MAP7D1: variants seen among roughly 807,000 people sequenced by gnomAD.
The protein encoded by MAP7D1 is MAP7 domain containing 1.
In MAP7D1, 30 loss-of-function variants were observed where a neutral mutation model predicts 97.5. That is an observed-to-expected ratio of 0.31 (90% CI 0.23 to 0.42). The LOEUF (loss-of-function observed/expected upper bound fraction) is 0.42, where lower values mean the gene tolerates loss of function less well. Ranked by LOEUF, MAP7D1 falls within the 10% of genes least tolerant of loss-of-function variation. MAP7D1 has a pLI of 1.00. For synonymous variants in MAP7D1, 536 were observed against 477.1 expected (o/e 1.12, Z -1.61); for missense variants, 1,184 against 1,179.5 (o/e 1.00, Z -0.06).
chr1:36,175,887 G>A (rs970943271), intron 6 of MAP7D1, among the ~76,000 whole-genome samples: 3 of 152,214 alleles, frequency 2.0e-5, no homozygotes, highest in African/African-American at 7.2e-5. Flanking sequence ...AGGGCAATTG[G>A]GTTTTCTTCC....
intron 1 of MAP7D1, among the ~76,000 whole-genome samples, chr1:36,161,114 G>A (rs1389301779): frequency 1.3e-5 from 2 of 152,240 alleles, no homozygotes; most frequent in African/African-American, 4.8e-5. Context: ...GGGCCAGAGA[G>A]CTCCTTCAGA....
Position 36,172,468 on chromosome 1 carries a change from C to T in MAP7D1, c.465C>T (p.Ala155=), listed in dbSNP as rs1262110180. The change falls in exon 4 of 17, where the codon GCC becomes GCT. Residue 155 remains alanine (A), a synonymous_variant. Transcript: ENST00000474796. The part of the protein sequence containing the change: ...RREERAKYLA[A]KKAVWLEKEE... ...ACTGGGCTCCTTTGTCCACAGCGGC[C>T]AAGAAGGCAGTGTGGCTGGAGAAGG... The T allele has an allele frequency of 6.4e-7, 1 of 1,574,790 alleles. No homozygotes were observed. The highest frequency in any genetic ancestry group is 8.7e-7 in the Non-Finnish European group (1 of 1,151,850).
At chr1:36,173,501 G>A (rs1259757907) in intron 5 of MAP7D1, 23 bp downstream of exon 5, 2 of 1,554,134 alleles carry the variant, frequency 1.3e-6, no homozygotes, top group African/African-American at 1.4e-5. Flanking sequence ...GAGGGGCTGG[G>A]GAGTGGGTGG....
chr1:36,179,374 T>C, intron 13 of MAP7D1, 59 bp downstream of exon 13: 1 of 1,603,156 alleles, frequency 6.2e-7, no homozygotes, highest in Admixed American at 1.7e-5. Context: ...AAAAGGAGGC[T>C]GCGGAAAGGC....
chr1:36,168,809 T>A (rs1644504376), intron 1 of MAP7D1, among the ~76,000 whole-genome samples: 1 of 152,196 alleles, frequency 6.6e-6, no homozygotes, highest in Admixed American at 6.5e-5. Context: ...CAGGCTCTGA[T>A]GATGGCTACT....
chr1:36,168,595 A>T (rs949667680), intron 1 of MAP7D1, among the ~76,000 whole-genome samples: 1 of 152,174 alleles, frequency 6.6e-6, no homozygotes, highest in Non-Finnish European at 1.5e-5. Context: ...GTGGCTTGTC[A>T]TGTAGCCTAG....
At chr1:36,160,825 C>T (rs1644399026) in intron 1 of MAP7D1, among the ~76,000 whole-genome samples, 1 of 152,232 alleles carries the variant, frequency 6.6e-6, no homozygotes, top group Non-Finnish European at 1.5e-5. Flanking sequence ...AGCCCAGGGT[C>T]CTCTGGGAAG....
rs377727826 is a variant in MAP7D1 at position 36,178,955 on chromosome 1, C to T, written c.2060C>T (p.Ala687Val). ...EEAEARSREEAERQRLEREKH... is the reference protein window; with the variant it reads ...EEAEARSREEVERQRLEREKH... ...GCCGAAGCTCGGTCGCGGGAAGAGG[C>T]GGAGCGGCAGCGTCTGGAGCGGGAA... is the stretch of plus-strand genomic sequence containing the variant. Residue 687 changes from alanine (A) to valine (V), a missense_variant, in exon 12 of 17, where the codon GCG becomes GTG. Ala to Val is a moderately conservative substitution (Grantham distance 64). Transcript: ENST00000474796. 50 of 1,557,906 alleles carry T rather than the reference C, an allele frequency of 3.2e-5. No individual in the cohort carries two copies. Among genetic ancestry groups the T allele is most frequent in the South Asian group, 1.5e-4 (13 of 84,530 alleles).
At chr1:36,173,934 G>A (rs765806657) in intron 5 of MAP7D1, among the ~76,000 whole-genome samples, 2 of 152,086 alleles carry the variant, frequency 1.3e-5, no homozygotes, top group Non-Finnish European at 2.9e-5. Context: ...TTATGCAATG[G>A]CAAGTTTCAG....
chr1:36,170,751 T>C, intron 1 of MAP7D1, among the ~76,000 whole-genome samples: 1 of 152,224 alleles, frequency 6.6e-6, no homozygotes, highest in East Asian at 1.9e-4. Flanking sequence ...CCTAGCTATT[T>C]GTCTGTCTGC....
chr1:36,169,052 G>C (rs1644508193), intron 1 of MAP7D1, among the ~76,000 whole-genome samples: 1 of 151,752 alleles, frequency 6.6e-6, no homozygotes, highest in Non-Finnish European at 1.5e-5. Context: ...GGGAGTTCGA[G>C]ACCAGCCTGG....
chr1:36,174,188 G>A (rs561012852), intron 5 of MAP7D1, among the ~76,000 whole-genome samples: 30 of 152,338 alleles, frequency 2.0e-4, no homozygotes, highest in Admixed American at 1.2e-3. Flanking sequence ...ATAGATGTTT[G>A]AAGGATCAAA....
At chr1:36,173,081 G>T (rs535907079) in intron 4 of MAP7D1, among the ~76,000 whole-genome samples, 2 of 152,210 alleles carry the variant, frequency 1.3e-5, no homozygotes, top group Non-Finnish European at 2.9e-5. Flanking sequence ...CCTTGCCTGG[G>T]AGCCCCAGGT....
In MAP7D1 at chr1:36,159,035, G is replaced by GTTATTTATTTATTTAT. The variant is rs34482844; in HGVS notation, c.46+2595_46+2610dup. On this transcript the variant is annotated intron_variant, in intron 1 of 16. Coordinates refer to ENST00000474796, the MANE Select transcript of MAP7D1 (RefSeq NM_001388490.1). This position sits in a 1 kb window ranked among gnomAD's most constrained non-coding sequence, Gnocchi z 5.4. ...AGTGCCCAATAAGTGCTAGCCATTT[G>GTTATTTATTTATTTAT]TTATTTATTTATTTATTTATTTATT... Among the ~76,000 whole-genome samples, 6 of 145,994 alleles carry GTTATTTATTTATTTAT rather than the reference G, an allele frequency of 4.1e-5. No homozygotes were observed. Among genetic ancestry groups the GTTATTTATTTATTTAT allele is most frequent in the East Asian group, 4.0e-4 (2 of 4,994 alleles).
rs1553183493 is a variant in MAP7D1, at chr1:36,161,910, TGA to T, written c.46+5457_46+5458del. On this transcript the variant is annotated intron_variant, in intron 1 of 16. Coordinates refer to ENST00000474796, the MANE Select transcript of MAP7D1 (RefSeq NM_001388490.1). ...GTGTGTGTGTGTGTGTGTGTGTGTG[TGA>T]GAGAGAGAGGAGAATATGTCTTGTC... Among the ~76,000 whole-genome samples, 615 of 105,632 alleles carry T rather than the reference TGA, an allele frequency of 5.8e-3. 2 individuals are homozygous for T. The highest frequency in any genetic ancestry group is 0.015 in the African/African-American group (499 of 33,350). The allele number at this position is 105,632 out of a possible 152,430, so 69.3% of individuals were successfully genotyped here.
intron 5 of MAP7D1, among the ~76,000 whole-genome samples, chr1:36,174,036 G>GTGTA (rs1039340669): frequency 6.6e-6 from 1 of 152,180 alleles, no homozygotes. Flanking sequence ...TTGTGACCTT[G>GTGTA]TGTACCTCAG....
At position 36,177,883 on chromosome 1, in the gene MAP7D1, A is replaced by T; in HGVS notation, c.1390A>T (p.Lys464Ter). Residue 464 changes from lysine (K) to a stop codon, truncating the protein, a stop_gained, in exon 9 of 17, where the codon AAG becomes TAG. Transcript: ENST00000474796. LOFTEE classifies it high-confidence loss of function. ...STASELSPKS[K>*]ARPSSPSTSW... ...TCCCTTTTCTCTTAGCCCCAAATCCAAGGCCAGGCCATCCTCTCCCTCCAC... is the reference window on the plus strand; with the variant it reads ...TCCCTTTTCTCTTAGCCCCAAATCCTAGGCCAGGCCATCCTCTCCCTCCAC... The T allele has an allele frequency of 1.3e-6, 2 of 1,532,688 alleles. No individual in the cohort carries two copies. Among genetic ancestry groups the T allele is most frequent in the Non-Finnish European group, 1.8e-6 (2 of 1,140,382 alleles). 94.9% of individuals were successfully genotyped at this position (1,532,688 alleles called of 1,614,324 possible). A position where few individuals can be genotyped will look rare whatever the true frequency, so the allele number is the denominator to read the frequency against.
In MAP7D1 at chr1:36,179,033, G is replaced by A; in HGVS notation, c.2130+8G>A. ...CGGCAAGAGCGCAGAAAGGTGTGCGGACCTGGGCGGGGATTTGTGGGCGGG... is the reference window on the plus strand; with the variant it reads ...CGGCAAGAGCGCAGAAAGGTGTGCGAACCTGGGCGGGGATTTGTGGGCGGG... On this transcript the variant is annotated splice_region_variant and intron_variant, in intron 12 of 16. Transcript: ENST00000474796. The A allele has an allele frequency of 7.0e-7, 1 of 1,423,488 alleles. No individual in the cohort carries two copies. Among genetic ancestry groups the A allele is most frequent in the Non-Finnish European group, 9.5e-7 (1 of 1,053,722 alleles). The allele number at this position is 1,423,488 out of a possible 1,614,324, so 88.2% of individuals were successfully genotyped here. A position where few individuals can be genotyped will look rare whatever the true frequency, so the allele number is the denominator to read the frequency against.
In MAP7D1 at chr1:36,180,263, G is replaced by A. The variant is rs374718946; in HGVS notation, c.*5G>A. ...TTTTCCCCAGAAGTCCTTTAAGAGG[G>A]TTTGCCTTGGATCCGGGCACAGTTG... On this transcript the variant is annotated 3_prime_UTR_variant, in exon 17 of 17. Transcript: ENST00000474796. The A allele has an allele frequency of 3.4e-5, 55 of 1,614,076 alleles. No homozygotes were observed. The African/African-American group carries it at 6.7e-4, about 20-fold the overall frequency.
Sources: allele counts gnomAD v4.1 joint callset (sites outside exome capture counted in the v4.1 genomes callset), GRCh38; gene constraint gnomAD v4.1.1; non-coding constraint Gnocchi (gnomAD v3.1); transcripts MANE v1.5; gene names NCBI Gene and HGNC (gene_info 2026-07-23, HGNC 2026-07-21).